PRKN: variants seen among roughly 807,000 people sequenced by gnomAD.
PRKN encodes parkin RBR E3 ubiquitin protein ligase.
Under a neutral mutation model 59.5 loss-of-function variants are expected in PRKN, and 56 were observed. The observed-to-expected ratio is 0.94, with a 90% CI of 0.76 to 1.18. The LOEUF (loss-of-function observed/expected upper bound fraction) is 1.18. Ranked by LOEUF, PRKN falls within the 50% of genes most tolerant of loss-of-function variation. The pLI is 0.00. For synonymous variants in PRKN, 250 were observed against 222.1 expected, an observed-to-expected ratio of 1.13 and a Z score of -1.12; for missense variants, 657 against 596.4, an observed-to-expected ratio of 1.10 and a Z score of -1.06.
rs1187922789 is a variant in PRKN at position 161,440,734 on chromosome 6, A to G, written c.1084-53857T>C. On this transcript the variant is annotated intron_variant, in intron 9 of 11. Coordinates refer to ENST00000366898, the MANE Select transcript of PRKN (RefSeq NM_004562.3). This position sits in a 1 kb window ranked among gnomAD's most constrained non-coding sequence, Gnocchi z 4.1. ...TTTCCAAACCCAAGAGATATTTCCA[A>G]TGCCACCTGAAGGTCCTGAGAGCTC... 1.3e-5 allele frequency among the ~76,000 whole-genome samples: 2 copies of G among 152,188 alleles called. No homozygotes were observed. The highest frequency in any genetic ancestry group is 2.9e-5 in the Non-Finnish European group (2 of 68,034).
chr6:162,162,067 A>C (rs1782782497), intron 4 of PRKN, among the ~76,000 whole-genome samples: 1 of 152,142 alleles, frequency 6.6e-6, no homozygotes, highest in African/African-American at 2.4e-5. Context: ...ACACAGTATA[A>C]AAACTATTTG....
intron 7 of PRKN, among the ~76,000 whole-genome samples, chr6:161,640,066 T>C (rs1783681770): frequency 6.6e-6 from 1 of 152,240 alleles, no homozygotes; most frequent in African/African-American, 2.4e-5. Context: ...GCAGTGGTCT[T>C]GTGCTTAGGC....
In PRKN at chr6:162,594,630, T is replaced by C. The variant is rs1364779045; in HGVS notation, c.7+133032A>G. ...AGGCTAGTTTATTAGCTAGACCACT[T>C]AGAGGAATTTAGTATGAATGAAATG... On this transcript the variant is annotated intron_variant, in intron 1 of 11. Coordinates refer to ENST00000366898, the MANE Select transcript of PRKN (RefSeq NM_004562.3). 1.5e-4 allele frequency among the ~76,000 whole-genome samples: 23 copies of C among 152,158 alleles called. 1 individual carries two copies. The highest frequency in any genetic ancestry group is 7.3e-5 in the Non-Finnish European group (5 of 68,044).
chr6:162,253,239 C>T (rs9347605), intron 3 of PRKN, among the ~76,000 whole-genome samples: 8,960 of 152,128 alleles, frequency 0.059, 406 homozygotes, highest in African/African-American at 0.11. Flanking sequence ...TAGTGGATGG[C>T]TCTGTTAACG....
At chr6:162,519,671 T>A (rs1778008908) in intron 1 of PRKN, among the ~76,000 whole-genome samples, 1 of 152,168 alleles carries the variant, frequency 6.6e-6, no homozygotes, top group Admixed American at 6.6e-5. Flanking sequence ...ATCTCATTTA[T>A]TCTATTTCCC....
intron 7 of PRKN, among the ~76,000 whole-genome samples, chr6:161,589,762 TG>T (rs2128140468): frequency 6.6e-6 from 1 of 150,960 alleles, no homozygotes; most frequent in East Asian, 2.0e-4. Context: ...TACAATGAAT[TG>T]AAAAGGATTA....
intron 1 of PRKN, among the ~76,000 whole-genome samples, chr6:162,499,861 G>A (rs990500228): frequency 6.6e-6 from 1 of 152,226 alleles, no homozygotes; most frequent in Non-Finnish European, 1.5e-5. Context: ...AATGTATGGA[G>A]TGTCAAATAT....
Position 161,460,103 on chromosome 6 carries a change from C to T in PRKN, c.1084-73226G>A, listed in dbSNP as rs1033074803. ...AGGCATGGTGCAGGAATAGTACGAA[C>T]AAATATAAACAGCAATTGATCCTAC... On this transcript the variant is annotated intron_variant, in intron 9 of 11. Coordinates refer to ENST00000366898, the MANE Select transcript of PRKN (RefSeq NM_004562.3). The surrounding 1 kb of genome is among the most constrained non-coding windows in gnomAD (Gnocchi z 5.0). Among the ~76,000 whole-genome samples, 3 of 152,176 alleles carry T rather than the reference C, an allele frequency of 2.0e-5. No individual in the cohort carries two copies. The highest frequency in any genetic ancestry group is 4.4e-5 in the Non-Finnish European group (3 of 68,032).
chr6:162,110,878 T>C (rs1403243464), intron 4 of PRKN, among the ~76,000 whole-genome samples: 1 of 152,026 alleles, frequency 6.6e-6, no homozygotes, highest in Non-Finnish European at 1.5e-5. Flanking sequence ...GAACATACCA[T>C]GAGGAAAACG....
rs907216402 is a variant in PRKN at position 161,392,492 on chromosome 6, T to C, written c.1084-5615A>G. Among the ~76,000 whole-genome samples, 5 of 150,732 alleles carry C rather than the reference T, an allele frequency of 3.3e-5. No individual in the cohort carries two copies. In the South Asian group the frequency reaches 1.1e-3, roughly 32 times the overall value. On this transcript the variant is annotated intron_variant, in intron 9 of 11. Coordinates refer to ENST00000366898, the MANE Select transcript of PRKN (RefSeq NM_004562.3). ...TAAACTTTCCCTGTTATTTGCAAAA[T>C]TATAGTTCAAACCTCTCTCTCTCTC... is the stretch of plus-strand genomic sequence containing the variant.
intron 1 of PRKN, among the ~76,000 whole-genome samples, chr6:162,464,043 A>AG (rs1463395930): frequency 6.6e-6 from 1 of 152,114 alleles, no homozygotes; most frequent in East Asian, 1.9e-4. Flanking sequence ...CCTTTTTTTG[A>AG]GATGAGATCA....
chr6:161,557,086 T>C (rs1219279458), intron 8 of PRKN, among the ~76,000 whole-genome samples: 1 of 152,206 alleles, frequency 6.6e-6, no homozygotes, highest in African/African-American at 2.4e-5. Context: ...ACTCTGAACC[T>C]AAGGAAAACA....
intron 1 of PRKN, among the ~76,000 whole-genome samples, chr6:162,610,814 AATTC>A (rs1032087738): frequency 1.3e-5 from 2 of 152,218 alleles, no homozygotes; most frequent in African/African-American, 4.8e-5. Context: ...AGGAATCCTT[AATTC>A]ATTCGAGATT....
intron 2 of PRKN, among the ~76,000 whole-genome samples, chr6:162,377,568 C>T (rs1786185098): frequency 6.6e-6 from 1 of 152,212 alleles, no homozygotes; most frequent in South Asian, 2.1e-4. Flanking sequence ...CGATTCATCA[C>T]ACTGGATGGA....
At chr6:161,790,938 A>T (rs1790612592) in intron 6 of PRKN, among the ~76,000 whole-genome samples, 1 of 152,152 alleles carries the variant, frequency 6.6e-6, no homozygotes, top group South Asian at 2.1e-4. Context: ...ATGATGTGCA[A>T]ATGGCTCTGG....
At chr6:162,193,181 A>G (rs1035626438) in intron 4 of PRKN, among the ~76,000 whole-genome samples, 2 of 152,208 alleles carry the variant, frequency 1.3e-5, no homozygotes, top group African/African-American at 4.8e-5. Context: ...TCTAGACTTT[A>G]ATTAACTGAC....
At position 161,919,180 on chromosome 6, in the gene PRKN, C is replaced by T. The variant is rs114780503; in HGVS notation, c.734+54122G>A. On this transcript the variant is annotated intron_variant, in intron 6 of 11. Coordinates refer to ENST00000366898, the MANE Select transcript of PRKN (RefSeq NM_004562.3). ...CGTATCCTTGCAATGGAGTTTTGCT[C>T]ATCAAGAAGAGTTTCACGTACAATA... 2.8e-3 allele frequency among the ~76,000 whole-genome samples: 433 copies of T among 152,212 alleles called. 3 individuals carry two copies. Among genetic ancestry groups the T allele is most frequent in the African/African-American group, 0.01 (417 of 41,516 alleles).
At chr6:162,206,166 T>G (rs1485117260) in intron 3 of PRKN, among the ~76,000 whole-genome samples, 1 of 152,140 alleles carries the variant, frequency 6.6e-6, no homozygotes, top group East Asian at 1.9e-4. Context: ...GGATCTGTTC[T>G]TGAGACGCAC....
intron 2 of PRKN, among the ~76,000 whole-genome samples, chr6:162,279,998 C>CT (rs1554294794): frequency 2.9e-4 from 43 of 150,210 alleles, no homozygotes; most frequent in South Asian, 2.5e-3. Context: ...GCAAACTCTC[C>CT]TTTTTTTTTG....
Sources: gnomAD v4.1 joint callset for allele counts (sites outside exome capture counted in the v4.1 genomes callset) on GRCh38, gnomAD v4.1.1 for gene constraint, Gnocchi (gnomAD v3.1) non-coding constraint, MANE v1.5 for transcripts, NCBI Gene and HGNC (gene_info 2026-07-23, HGNC 2026-07-21) for gene names.